Variants in ARSG observed in about 807,000 individuals in gnomAD.
ARSG encodes arylsulfatase G.
ARSG carries 37 observed loss-of-function variants against 50.5 expected under a neutral mutation model. The observed-to-expected ratio is 0.73, with a 90% CI of 0.56 to 0.96. The LOEUF (loss-of-function observed/expected upper bound fraction) is 0.96. Among genes scored for constraint, ARSG ranks in the 50% least tolerant of loss-of-function variants. The pLI, the probability that ARSG is intolerant of heterozygous loss-of-function variation, is 0.00. For synonymous variants in ARSG, 225 were observed against 254.6 expected (o/e 0.88, Z 1.11); for missense variants, 629 against 675.3 (o/e 0.93, Z 0.76).
chr17:68,338,719 G>C (rs1402360872), intron 2 of ARSG, among the ~76,000 whole-genome samples: 1 of 152,216 alleles, frequency 6.6e-6, no homozygotes, highest in Non-Finnish European at 1.5e-5. Context: ...GCTCTCCCAG[G>C]AGGGGCATTT....
chr17:68,263,751 C>T lies in ARSG; in HGVS notation c.-552+4325C>T, dbSNP rs118152454. 2.3e-3 allele frequency among the ~76,000 whole-genome samples: 348 copies of T among 152,258 alleles called. 1 individual carries two copies. The highest frequency in any genetic ancestry group is 3.9e-3 in the Non-Finnish European group (264 of 68,008). ...AGGGATGAGCCACAACACCTGGCCA[C>T]GGTTTAAAGAATTAAAGACAATGGC... On this transcript the variant is annotated intron_variant, in intron 1 of 11. Coordinates refer to the ARSG transcript ENST00000448504.
Position 68,307,450 on chromosome 17 carries a change from T to C in ARSG, c.-44T>C. 1 of 1,497,362 alleles carries C rather than the reference T, an allele frequency of 6.7e-7. No homozygotes were observed. The highest frequency in any genetic ancestry group is 9.2e-7 in the Non-Finnish European group (1 of 1,083,106). 92.8% of individuals were successfully genotyped at this position (1,497,362 alleles called of 1,614,324 possible). A position where few individuals can be genotyped will look rare whatever the true frequency, so the allele number is the denominator to read the frequency against. On this transcript the variant is annotated 5_prime_UTR_variant, in exon 2 of 12. Transcript: ENST00000621439. Reference sequence around the variant, plus strand: ...AAGCTCTCAGAAAAATCTCTAGTGGTGGCTGCCGTCGCTCCAGACAATCGG... The same window carrying C: ...AAGCTCTCAGAAAAATCTCTAGTGGCGGCTGCCGTCGCTCCAGACAATCGG...
At chr17:68,265,683 T>G (rs1555746207) in intron 1 of ARSG, among the ~76,000 whole-genome samples, 1 of 150,010 alleles carries the variant, frequency 6.7e-6, no homozygotes, top group Non-Finnish European at 1.5e-5. Flanking sequence ...GGCTGGAAAC[T>G]GTGGTCCACA....
the ARSG span, among the ~76,000 whole-genome samples, chr17:68,435,990 T>C: frequency 6.6e-6 from 1 of 152,254 alleles, no homozygotes; most frequent in Non-Finnish European, 1.5e-5. Context: ...AGGCGCGCCC[T>C]GCACGCATCT....
chr17:68,421,808 G>A (rs1410429795), downstream of ARSG: 19 of 1,613,984 alleles, frequency 1.2e-5, no homozygotes, highest in South Asian at 2.2e-5. Flanking sequence ...TGATTTCCAC[G>A]GCACAAGATT....
intron 7 of ARSG, among the ~76,000 whole-genome samples, chr17:68,369,530 ACT>A (rs1296650081): frequency 3.4e-5 from 5 of 149,098 alleles, no homozygotes; most frequent in African/African-American, 5.0e-5. Flanking sequence ...ACAGAGCAAG[ACT>A]CTGTCTCAAA....
chr17:68,318,334 C>A (rs2077153094), intron 2 of ARSG, among the ~76,000 whole-genome samples: 2 of 152,152 alleles, frequency 1.3e-5, no homozygotes, highest in South Asian at 4.1e-4. Flanking sequence ...CATCTCAGAC[C>A]CAGGGAAAGC....
intron 9 of ARSG, among the ~76,000 whole-genome samples, chr17:68,391,233 G>A (rs1474608432): frequency 6.6e-6 from 1 of 152,054 alleles, no homozygotes; most frequent in Non-Finnish European, 1.5e-5. Context: ...GGCTGCATGT[G>A]CCAGGGACCG....
At chr17:68,311,713 G>T (rs1233499131) in intron 2 of ARSG, among the ~76,000 whole-genome samples, 2 of 151,618 alleles carry the variant, frequency 1.3e-5, no homozygotes, top group African/African-American at 4.8e-5. Flanking sequence ...AAGGAGAGAG[G>T]CATGGAACAG....
At chr17:68,266,905 C>A (rs1386638194) in intron 1 of ARSG, 1 of 152,068 alleles carries the variant, frequency 6.6e-6, no homozygotes, top group Non-Finnish European at 1.5e-5. Flanking sequence ...AAAGGTTTTG[C>A]AGAAGATAAA....
chr17:68,285,064 G>A (rs2075810312), intron 1 of ARSG, among the ~76,000 whole-genome samples: 2 of 152,280 alleles, frequency 1.3e-5, no homozygotes, highest in African/African-American at 4.8e-5. Flanking sequence ...CTGCCTCCAT[G>A]GACTAAAATA....
chr17:68,449,083 G>T, the ARSG span, among the ~76,000 whole-genome samples: 7 of 152,154 alleles, frequency 4.6e-5, no homozygotes, highest in East Asian at 9.6e-4. Flanking sequence ...TGTCTCATTT[G>T]TTAAAAAAAA....
intron 1 of ARSG, chr17:68,277,988 G>T (rs547318076): frequency 2.7e-6 from 2 of 743,106 alleles, no homozygotes; most frequent in East Asian, 5.4e-5. Flanking sequence ...AGGCGTATAA[G>T]GGAATGAAAG....
intron 1 of ARSG, among the ~76,000 whole-genome samples, chr17:68,263,870 T>G (rs1366618620): frequency 6.6e-6 from 1 of 152,196 alleles, no homozygotes; most frequent in African/African-American, 2.4e-5. Context: ...TTAATTTTTA[T>G]TTTTTGAGAT....
chr17:68,322,917 C>G (rs999221461), intron 2 of ARSG, among the ~76,000 whole-genome samples: 19 of 152,166 alleles, frequency 1.2e-4, no homozygotes, highest in African/African-American at 4.3e-4. Context: ...AGGGCTCTTT[C>G]CTGGCTTGCA....
intron 5 of ARSG, among the ~76,000 whole-genome samples, chr17:68,355,609 C>T (rs2078995476): frequency 6.6e-6 from 1 of 152,144 alleles, no homozygotes; most frequent in Non-Finnish European, 1.5e-5. Flanking sequence ...CCCGCCTTGG[C>T]CTCCCAAAGT....
At chr17:68,288,404 T>C (rs1310301396), upstream of ARSG, among the ~76,000 whole-genome samples, 4 of 152,182 alleles carry the variant, frequency 2.6e-5, no homozygotes, top group Non-Finnish European at 5.9e-5. Context: ...TGCAGAAGCC[T>C]CTGTAAGTTC....
At chr17:68,394,738 A>AG (rs1386707639) in intron 9 of ARSG, among the ~76,000 whole-genome samples, 2 of 152,160 alleles carry the variant, frequency 1.3e-5, no homozygotes. Flanking sequence ...CTCTCTGATA[A>AG]GGGGGGACTA....
chr17:68,350,376 T>C (rs929690813), intron 4 of ARSG, among the ~76,000 whole-genome samples: 2 of 152,236 alleles, frequency 1.3e-5, no homozygotes, highest in Non-Finnish European at 2.9e-5. Context: ...TCGAGTTCTA[T>C]CTACCTCTAG....
Sources: allele counts gnomAD v4.1 joint callset (sites outside exome capture counted in the v4.1 genomes callset), GRCh38; gene constraint gnomAD v4.1.1; transcripts MANE v1.5; gene names NCBI Gene and HGNC (gene_info 2026-07-23, HGNC 2026-07-21).